The following EYS variants were observed in gnomAD, a reference collection of about 807,000 sequenced individuals.
EYS encodes the protein EGF-like photoreceptor maintenance factor.
In EYS, 250 loss-of-function variants were observed where a neutral mutation model predicts 282.1. The ratio of observed to expected loss-of-function variants is 0.89; its 90% confidence interval spans 0.80 to 0.98. The LOEUF (loss-of-function observed/expected upper bound fraction) is 0.98, where lower values mean the gene tolerates loss of function less well. Among genes scored for constraint, EYS ranks in the 50% least tolerant of loss-of-function variants. EYS has a pLI of 0.00. For synonymous variants in EYS, 1,355 were observed against 1,282.9 expected, an observed-to-expected ratio of 1.06 and a Z score of -1.20; for missense variants, 4,016 against 3,709.0, an observed-to-expected ratio of 1.08 and a Z score of -2.15.
chr6:63,937,166 G>A (rs778201496), intron 35 of EYS, among the ~76,000 whole-genome samples: 2 of 151,840 alleles, frequency 1.3e-5, no homozygotes, highest in Non-Finnish European at 2.9e-5. Context: ...AATGGGAATC[G>A]GATATAGTCC....
intron 26 of EYS, among the ~76,000 whole-genome samples, chr6:64,451,655 T>A (rs1775349904): frequency 6.6e-6 from 1 of 152,118 alleles, no homozygotes; most frequent in Non-Finnish European, 1.5e-5. Context: ...AAAAAGCTTA[T>A]CCACCATGAT....
rs6941728 is a variant in EYS, at chr6:64,023,502, C to T, written c.6726-24319G>A. On this transcript the variant is annotated intron_variant, in intron 33 of 42. Coordinates refer to ENST00000503581, the MANE Select transcript of EYS (RefSeq NM_001142800.2). ...CTTATATTTTACACTTTACATTGTA[C>T]GGTGTAAAATGGCATGGTCTCGATT... Among the ~76,000 whole-genome samples, 1,328 of 152,314 alleles carry T rather than the reference C, an allele frequency of 8.7e-3. 18 individuals carry two copies. The highest frequency in any genetic ancestry group is 0.027 in the African/African-American group (1,142 of 41,564).
At chr6:64,857,085 T>C (rs1354668735) in intron 19 of EYS, among the ~76,000 whole-genome samples, 1 of 152,212 alleles carries the variant, frequency 6.6e-6, no homozygotes, top group Non-Finnish European at 1.5e-5. Flanking sequence ...CAGTTGACTA[T>C]ATTTTTATGG....
intron 22 of EYS, among the ~76,000 whole-genome samples, chr6:64,727,757 AG>A (rs1483940287): frequency 6.6e-6 from 1 of 152,238 alleles, no homozygotes; most frequent in Non-Finnish European, 1.5e-5. Context: ...ACCCAATCCT[AG>A]AACATAGTAT....
chr6:65,586,619 G>T (rs116308890), intron 2 of EYS, among the ~76,000 whole-genome samples: 1 of 151,980 alleles, frequency 6.6e-6, no homozygotes, highest in Admixed American at 6.6e-5. Flanking sequence ...AGAATGAAAC[G>T]CATAAAGAAG....
chr6:65,453,001 T>A lies in EYS; in HGVS notation c.862+37593A>T, dbSNP rs1182562031. On this transcript the variant is annotated intron_variant, in intron 5 of 42. Coordinates refer to ENST00000503581, the MANE Select transcript of EYS (RefSeq NM_001142800.2). ...GTAAGGTTCTCAAAAAACAAATTCA[T>A]CTACAAAGCACAGGGAAGCATTTAT... Among the ~76,000 whole-genome samples the A allele has an allele frequency of 2.6e-5, 4 of 151,956 alleles. No individual in the cohort carries two copies. The East Asian group carries it at 7.7e-4, about 29-fold the overall frequency.
chr6:65,124,426 C>T (rs1775658648), intron 12 of EYS, among the ~76,000 whole-genome samples: 1 of 152,008 alleles, frequency 6.6e-6, no homozygotes, highest in African/African-American at 2.4e-5. Context: ...AGATAATGTA[C>T]ATGCTTAATT....
At chr6:65,337,463 T>C (rs1470937985) in intron 10 of EYS, among the ~76,000 whole-genome samples, 3 of 151,270 alleles carry the variant, frequency 2.0e-5, no homozygotes, top group African/African-American at 7.3e-5. Flanking sequence ...TAATAAACAC[T>C]CGTATAAGAA....
chr6:65,561,771 C>T (rs1769068423), intron 2 of EYS, among the ~76,000 whole-genome samples: 1 of 151,900 alleles, frequency 6.6e-6, no homozygotes, highest in African/African-American at 2.4e-5. Flanking sequence ...ATGAAAACCA[C>T]TACTCTACTT....
At chr6:64,063,958 C>T (rs1439261973) in intron 33 of EYS, among the ~76,000 whole-genome samples, 1 of 152,136 alleles carries the variant, frequency 6.6e-6, no homozygotes, top group Non-Finnish European at 1.5e-5. Context: ...GAACTCCTGA[C>T]CTCAGGTGAT....
chr6:64,418,100 A>T (rs991102770), intron 28 of EYS, among the ~76,000 whole-genome samples: 1 of 152,182 alleles, frequency 6.6e-6, no homozygotes, highest in African/African-American at 2.4e-5. Flanking sequence ...GGAGACAGGG[A>T]AACCACAGGG....
intron 5 of EYS, among the ~76,000 whole-genome samples, chr6:65,442,735 C>G (rs1246004684): frequency 1.3e-5 from 2 of 151,152 alleles, no homozygotes; most frequent in African/African-American, 4.9e-5. Context: ...GGCTGGGTGA[C>G]AGAGCGAGAC....
intron 36 of EYS, among the ~76,000 whole-genome samples, chr6:63,835,198 T>C (rs1771770533): frequency 6.6e-6 from 1 of 151,692 alleles, no homozygotes; most frequent in East Asian, 1.9e-4. Flanking sequence ...ACTTAAAGTA[T>C]AATAATAAAA....
At chr6:63,951,692 G>A (rs1765602251) in intron 35 of EYS, among the ~76,000 whole-genome samples, 2 of 152,004 alleles carry the variant, frequency 1.3e-5, no homozygotes, top group South Asian at 2.1e-4. Context: ...TTTGTTCCAC[G>A]ACTAGCCCTT....
At chr6:64,894,613 G>C (rs1400969360) in intron 18 of EYS, among the ~76,000 whole-genome samples, 1 of 152,102 alleles carries the variant, frequency 6.6e-6, no homozygotes, top group East Asian at 1.9e-4. Flanking sequence ...TCGAAGGTCA[G>C]GTTTTGCCTC....
At chr6:64,661,187 T>C (rs1262209156) in intron 22 of EYS, among the ~76,000 whole-genome samples, 1 of 152,098 alleles carries the variant, frequency 6.6e-6, no homozygotes, top group Non-Finnish European at 1.5e-5. Context: ...TAGCCATATG[T>C]AGAAAGCTGA....
chr6:63,809,032 T>C (rs1300253047), intron 36 of EYS, among the ~76,000 whole-genome samples: 2 of 152,186 alleles, frequency 1.3e-5, no homozygotes, highest in Non-Finnish European at 2.9e-5. Flanking sequence ...TTTTGATAGG[T>C]TAAGTTCTTC....
chr6:65,413,404 T>A (rs1044404588), intron 5 of EYS, among the ~76,000 whole-genome samples: 1 of 152,150 alleles, frequency 6.6e-6, no homozygotes, highest in Non-Finnish European at 1.5e-5. Flanking sequence ...ATTAATTATA[T>A]AGTACATTTA....
intron 12 of EYS, among the ~76,000 whole-genome samples, chr6:65,117,963 G>A (rs1998284): frequency 0.26 from 39,791 of 151,826 alleles, 6,395 homozygotes; most frequent in African/African-American, 0.45. Context: ...TAAAAAGGAA[G>A]GCAAAACTTG....
Sources: gnomAD v4.1 joint callset for allele counts (sites outside exome capture counted in the v4.1 genomes callset) on GRCh38, gnomAD v4.1.1 for gene constraint, MANE v1.5 for transcripts, NCBI Gene and HGNC (gene_info 2026-07-23, HGNC 2026-07-21) for gene names.